MICAL2: variants seen among roughly 807,000 people sequenced by gnomAD.
MICAL2 encodes the protein [F-actin]-monooxygenase MICAL2.
A neutral mutation model predicts 127.3 loss-of-function variants in MICAL2; 77 were observed. The observed-to-expected ratio is 0.60, with a 90% CI of 0.50 to 0.73. The LOEUF (loss-of-function observed/expected upper bound fraction) is 0.73. Ranked by LOEUF, MICAL2 falls within the 30% of genes least tolerant of loss-of-function variation. The pLI is 0.00. For synonymous variants in MICAL2, 570 were observed against 551.1 expected, an observed-to-expected ratio of 1.03 and a Z score of -0.48; for missense variants, 1,351 against 1,434.4, an observed-to-expected ratio of 0.94 and a Z score of 0.94.
intron 15 of MICAL2, among the ~76,000 whole-genome samples, chr11:12,235,121 A>G (rs1858851125): frequency 6.6e-6 from 1 of 152,260 alleles, no homozygotes; most frequent in East Asian, 1.9e-4. Context: ...GAGAGGTCTT[A>G]CCCCAGAAAA....
At chr11:12,155,009 T>C (rs546472927) in intron 2 of MICAL2, among the ~76,000 whole-genome samples, 102 of 152,302 alleles carry the variant, frequency 6.7e-4, no homozygotes, top group African/African-American at 2.3e-3. Flanking sequence ...CTGTCTTCTA[T>C]CAAACAAGGG....
chr11:12,148,370 C>T (rs11022209), intron 2 of MICAL2, among the ~76,000 whole-genome samples: 23,920 of 151,990 alleles, frequency 0.16, 2,215 homozygotes, highest in African/African-American at 0.25. Context: ...GAAGAGAGGG[C>T]TGCATGATGG....
intron 1 of MICAL2, among the ~76,000 whole-genome samples, chr11:12,113,432 G>C (rs1478391146): frequency 6.6e-6 from 1 of 152,230 alleles, no homozygotes; most frequent in Non-Finnish European, 1.5e-5. Context: ...CACACAGCAT[G>C]TATGAGTGCA....
At chr11:12,176,173 C>T (rs1856820705) in intron 3 of MICAL2, among the ~76,000 whole-genome samples, 1 of 152,176 alleles carries the variant, frequency 6.6e-6, no homozygotes, top group Non-Finnish European at 1.5e-5. Context: ...AGATCAGGGA[C>T]AGGCTGAAAC....
downstream of MICAL2, chr11:12,292,146 T>G (rs1475691189): frequency 1.9e-6 from 3 of 1,613,678 alleles, no homozygotes. Flanking sequence ...TTGGTAGGTT[T>G]GACGCCAGTG....
At chr11:12,346,594 ACTGAGTGCACCTG>A (rs1169809380) in intron 32 of MICAL2, among the ~76,000 whole-genome samples, 1 of 152,088 alleles carries the variant, frequency 6.6e-6, no homozygotes, top group African/African-American at 2.4e-5. Context: ...ATCCATTTAG[ACTGAGTGCACCTG>A]CTGTCTCCTC....
intron 3 of MICAL2, among the ~76,000 whole-genome samples, chr11:12,203,990 G>A (rs981639021): frequency 3.3e-5 from 5 of 152,212 alleles, no homozygotes; most frequent in African/African-American, 1.2e-4. Flanking sequence ...TGAAGTTCAT[G>A]TGCATCTTAC....
intron 33 of MICAL2, among the ~76,000 whole-genome samples, chr11:12,351,465 C>A (rs1388422662): frequency 6.6e-6 from 1 of 152,088 alleles, no homozygotes; most frequent in Non-Finnish European, 1.5e-5. Flanking sequence ...CAAGACAGTC[C>A]CTTCCTCCCA....
At chr11:12,182,364 G>A (rs947554485) in intron 3 of MICAL2, among the ~76,000 whole-genome samples, 4 of 152,090 alleles carry the variant, frequency 2.6e-5, no homozygotes, top group Non-Finnish European at 5.9e-5. Context: ...GAGCTTGGAA[G>A]GGATCCGGGT....
intron 2 of MICAL2, among the ~76,000 whole-genome samples, chr11:12,284,757 G>C (rs1367938999): frequency 6.6e-6 from 1 of 152,138 alleles, no homozygotes; most frequent in African/African-American, 2.4e-5. Context: ...TGGGGGGTGG[G>C]CTATTCATCT....
At chr11:12,221,204 G>C (rs1036440074) in intron 9 of MICAL2, among the ~76,000 whole-genome samples, 1 of 152,144 alleles carries the variant, frequency 6.6e-6, no homozygotes, top group South Asian at 2.1e-4. Context: ...CTCCTCCCAT[G>C]CTCCATGTTA....
intron 30 of MICAL2, among the ~76,000 whole-genome samples, chr11:12,320,142 A>G (rs556916383): frequency 1.6e-4 from 24 of 152,348 alleles, no homozygotes; most frequent in African/African-American, 5.3e-4. Flanking sequence ...AAGCAGATGC[A>G]TATTTCCCTG....
chr11:12,239,299 G>T, intron 16 of MICAL2, 137 bp from the exon 17 acceptor site: 1 of 1,191,602 alleles, frequency 8.4e-7, no homozygotes, highest in South Asian at 1.3e-5. Flanking sequence ...TGGCCCTGCT[G>T]CCTCTGCCTC....
chr11:12,200,484 C>T (rs1860562819), intron 3 of MICAL2, among the ~76,000 whole-genome samples: 1 of 152,218 alleles, frequency 6.6e-6, no homozygotes, highest in Admixed American at 6.5e-5. Flanking sequence ...TGGTATTTGG[C>T]CTCTTGCCAG....
chr11:12,193,188 G>A lies in MICAL2; in HGVS notation c.265-11062G>A, dbSNP rs549773966. ...TTCAGCACCTGTCTATAGGGCGAGA[G>A]ACTTCATAGAAAGAGAAGGGGAACA... On this transcript the variant is annotated intron_variant, in intron 3 of 27. Coordinates refer to ENST00000683283, the MANE Select transcript of MICAL2 (RefSeq NM_001282663.2). Among the ~76,000 whole-genome samples, 318 of 152,314 alleles carry A rather than the reference G, an allele frequency of 2.1e-3. 2 individuals are homozygous for A. Among genetic ancestry groups the A allele is most frequent in the Middle Eastern group, 6.8e-3 (2 of 294 alleles).
At chr11:12,213,712 C>T (rs1418877444) in intron 7 of MICAL2, among the ~76,000 whole-genome samples, 1 of 152,174 alleles carries the variant, frequency 6.6e-6, no homozygotes, top group Non-Finnish European at 1.5e-5. Flanking sequence ...CGATCCTTCC[C>T]ACAGTGGCTC....
chr11:12,176,580 A>ATTGTAAAT (rs1396477963), intron 3 of MICAL2, among the ~76,000 whole-genome samples: 3 of 152,170 alleles, frequency 2.0e-5, no homozygotes, highest in Admixed American at 2.0e-4. Context: ...ATTCATCCCC[A>ATTGTAAAT]GAACTTTTTT....
At chr11:12,132,280 C>T (rs761173693) in intron 1 of MICAL2, among the ~76,000 whole-genome samples, 2 of 152,282 alleles carry the variant, frequency 1.3e-5, no homozygotes, top group Non-Finnish European at 1.5e-5. Flanking sequence ...GCAGGAAATG[C>T]GACCCCTTGA....
intron 2 of MICAL2, among the ~76,000 whole-genome samples, chr11:12,145,796 T>A (rs578225551): frequency 6.6e-6 from 1 of 152,294 alleles, no homozygotes; most frequent in South Asian, 2.1e-4. Context: ...GTGAGGGACA[T>A]GGCCAGTTGG....
Sources: gnomAD v4.1 joint callset for allele counts (sites outside exome capture counted in the v4.1 genomes callset) on GRCh38, gnomAD v4.1.1 for gene constraint, MANE v1.5 for transcripts, NCBI Gene and HGNC (gene_info 2026-07-23, HGNC 2026-07-21) for gene names.